Variants in CFAP141 observed in about 807,000 individuals in gnomAD.
CFAP141 encodes the protein cilia- and flagella-associated protein 141.
the CFAP141 span, chr1:154,199,553 G>A: frequency 2.1e-6 from 3 of 1,453,274 alleles, no homozygotes; most frequent in Admixed American, 2.0e-5. Context: ...AGAATAGAGT[G>A]TGTTGTTTGC....
the CFAP141 span, among the ~76,000 whole-genome samples, chr1:154,204,740 T>C: frequency 6.6e-6 from 1 of 151,670 alleles, no homozygotes; most frequent in African/African-American, 2.4e-5. Flanking sequence ...TTTAATTTTT[T>C]TGGTAGAGAC....
At chr1:154,206,329 A>G in the CFAP141 span, 1 of 1,612,830 alleles carries the variant, frequency 6.2e-7, no homozygotes, top group East Asian at 2.2e-5. Context: ...TGCTTGATAC[A>G]GTCTGAGGAG....
the CFAP141 span, among the ~76,000 whole-genome samples, chr1:154,200,888 T>C: frequency 1.3e-5 from 2 of 152,098 alleles, no homozygotes; most frequent in Non-Finnish European, 2.9e-5. Context: ...TTCACCATAT[T>C]GGTCAGGCTG....
At chr1:154,200,182 C>G in the CFAP141 span, among the ~76,000 whole-genome samples, 2 of 152,164 alleles carry the variant, frequency 1.3e-5, no homozygotes, top group South Asian at 4.1e-4. Flanking sequence ...ATCTAAGAGG[C>G]AGTTTTGAGT....
chr1:154,200,336 C>A, the CFAP141 span: 1 of 1,044,706 alleles, frequency 9.6e-7, no homozygotes, highest in South Asian at 1.6e-5. Context: ...TGGTGTAATG[C>A]TGAAAACCTA....
At chr1:154,199,454 G>A in the CFAP141 span, 6 of 1,612,508 alleles carry the variant, frequency 3.7e-6, no homozygotes, top group East Asian at 4.5e-5. Flanking sequence ...AAAAAGCTTT[G>A]CCCATCTGAT....
the CFAP141 span, among the ~76,000 whole-genome samples, chr1:154,203,172 A>AATAT: frequency 4.7e-4 from 14 of 29,518 alleles, no homozygotes; most frequent in Non-Finnish European, 6.0e-4. Context: ...TGACTGGGCA[A>AATAT]ATATATATAT....
chr1:154,203,791 C>T, the CFAP141 span, among the ~76,000 whole-genome samples: 1 of 151,932 alleles, frequency 6.6e-6, no homozygotes, highest in Admixed American at 6.6e-5. Flanking sequence ...AACATGTAAT[C>T]AGGCCGGGCG....
At chr1:154,200,079 T>G in the CFAP141 span, among the ~76,000 whole-genome samples, 1 of 152,136 alleles carries the variant, frequency 6.6e-6, no homozygotes, top group Non-Finnish European at 1.5e-5. Context: ...TTTGGCATGT[T>G]GGTCAAGCTG....
the CFAP141 span, among the ~76,000 whole-genome samples, chr1:154,200,086 G>A: frequency 1.3e-5 from 2 of 152,142 alleles, no homozygotes; most frequent in Non-Finnish European, 2.9e-5. Flanking sequence ...TGTTGGTCAA[G>A]CTGGTCTTGA....
At chr1:154,200,611 G>T in the CFAP141 span, 5 of 1,613,280 alleles carry the variant, frequency 3.1e-6, no homozygotes, top group African/African-American at 6.7e-5. Context: ...CAGAGGTGGG[G>T]GTTGAATGGG....
chr1:154,202,571 C>A, the CFAP141 span, among the ~76,000 whole-genome samples: 2 of 152,046 alleles, frequency 1.3e-5, no homozygotes, highest in South Asian at 4.2e-4. Flanking sequence ...GAGGCCCAGG[C>A]GGGCAGATCA....
chr1:154,199,399 G>T, the CFAP141 span: 1 of 1,480,298 alleles, frequency 6.8e-7, no homozygotes. Context: ...GGCATGTTGA[G>T]AATGGAAGAG....
At chr1:154,204,961 ACCCTCC>A in the CFAP141 span, among the ~76,000 whole-genome samples, 1 of 145,648 alleles carries the variant, frequency 6.9e-6, no homozygotes, top group African/African-American at 2.6e-5. Flanking sequence ...GGCTCACTGC[ACCCTCC>A]GCATCCTAAG....
the CFAP141 span, among the ~76,000 whole-genome samples, chr1:154,204,897 G>A: frequency 4.9e-5 from 7 of 142,084 alleles, no homozygotes; most frequent in Non-Finnish European, 7.6e-5. Flanking sequence ...TTGTAGAGAC[G>A]GAGTCTTGCT....
the CFAP141 span, among the ~76,000 whole-genome samples, chr1:154,205,055 T>C: frequency 6.6e-6 from 1 of 150,720 alleles, no homozygotes; most frequent in Non-Finnish European, 1.5e-5. Context: ...CTAACTTCTT[T>C]TGTATTTTAG....
chr1:154,204,179 T>C, the CFAP141 span, among the ~76,000 whole-genome samples: 1 of 152,226 alleles, frequency 6.6e-6, no homozygotes, highest in Non-Finnish European at 1.5e-5. Context: ...CAAGTATGTA[T>C]ATTTAAGATA....
chr1:154,200,829 C>G, the CFAP141 span, among the ~76,000 whole-genome samples: 1 of 151,652 alleles, frequency 6.6e-6, no homozygotes, highest in Non-Finnish European at 1.5e-5. Context: ...ATTACAGGTG[C>G]CTGGCACCAT....
chr1:154,203,140 A>T, the CFAP141 span, among the ~76,000 whole-genome samples: 9 of 123,866 alleles, frequency 7.3e-5, no homozygotes, highest in African/African-American at 2.3e-4. Context: ...CTGCCTCAAA[A>T]AAAAAAAAAA....
Sources: allele counts gnomAD v4.1 joint callset (sites outside exome capture counted in the v4.1 genomes callset), GRCh38; gene constraint gnomAD v4.1.1; transcripts MANE v1.5; gene names NCBI Gene and HGNC (gene_info 2026-07-23, HGNC 2026-07-21).